GBE1: variants seen among roughly 807,000 people sequenced by gnomAD.
The protein encoded by GBE1 is 1,4-alpha-glucan branching enzyme 1, also known as 1,4-alpha-glucan-branching enzyme.
A neutral mutation model predicts 88.8 loss-of-function variants in GBE1; 70 were observed. The observed-to-expected ratio is 0.79, with a 90% CI of 0.65 to 0.96. The LOEUF (loss-of-function observed/expected upper bound fraction) is 0.96. Among genes scored for constraint, GBE1 ranks in the 40% least tolerant of loss-of-function variants. The pLI is 0.00. For missense variants in GBE1, 872 were observed against 871.0 expected, an observed-to-expected ratio of 1.00 and a Z score of -0.01; for synonymous variants, 284 against 300.1, an observed-to-expected ratio of 0.95 and a Z score of 0.56.
At chr3:81,751,754 G>C (rs1419526434) in intron 1 of GBE1, among the ~76,000 whole-genome samples, 1 of 152,202 alleles carries the variant, frequency 6.6e-6, no homozygotes, top group Non-Finnish European at 1.5e-5. Flanking sequence ...TCTGTTAATT[G>C]AAAGTGTGCT....
chr3:81,713,981 C>A (rs1427968612), intron 1 of GBE1, among the ~76,000 whole-genome samples: 1 of 152,044 alleles, frequency 6.6e-6, no homozygotes, highest in East Asian at 1.9e-4. Context: ...TGAAGATATT[C>A]TCTGTTATGT....
At chr3:81,745,223 A>C (rs1706404865) in intron 1 of GBE1, among the ~76,000 whole-genome samples, 1 of 152,186 alleles carries the variant, frequency 6.6e-6, no homozygotes, top group South Asian at 2.1e-4. Context: ...TAACAATAAA[A>C]CCCTTTTTAC....
At chr3:81,687,971 T>C (rs889685706) in intron 2 of GBE1, among the ~76,000 whole-genome samples, 3 of 152,184 alleles carry the variant, frequency 2.0e-5, no homozygotes, top group African/African-American at 7.2e-5. Flanking sequence ...TTTCCAAAAA[T>C]TCTGCTCATC....
At chr3:81,657,139 AAAAAAAAAACAAAAC>A (rs1193049140) in intron 3 of GBE1, among the ~76,000 whole-genome samples, 3 of 150,978 alleles carry the variant, frequency 2.0e-5, no homozygotes, top group African/African-American at 7.3e-5. Context: ...CGTCTCAAAA[AAAAAAAAAACAAAAC>A]AAAAAAAAAC....
intron 14 of GBE1, among the ~76,000 whole-genome samples, chr3:81,526,901 C>T (rs1356583068): frequency 1.3e-5 from 2 of 152,016 alleles, no homozygotes; most frequent in East Asian, 1.9e-4. Flanking sequence ...AAAAAGAGCC[C>T]GCATTGCCAA....
At chr3:81,650,628 A>G (rs990349009) in intron 3 of GBE1, among the ~76,000 whole-genome samples, 6 of 152,218 alleles carry the variant, frequency 3.9e-5, no homozygotes, top group Non-Finnish European at 8.8e-5. Context: ...ATCCAGCCAT[A>G]TAAATGGAAC....
chr3:81,578,326 T>A (rs1473457356), intron 11 of GBE1, among the ~76,000 whole-genome samples: 1 of 152,100 alleles, frequency 6.6e-6, no homozygotes, highest in Non-Finnish European at 1.5e-5. Context: ...GATTTTTATT[T>A]TTAAAATAGG....
intron 7 of GBE1, among the ~76,000 whole-genome samples, chr3:81,621,361 A>G (rs1021765537): frequency 7.2e-5 from 11 of 152,290 alleles, no homozygotes; most frequent in African/African-American, 2.2e-4. Context: ...ATTTTGGAAA[A>G]GTTAAGTATA....
intron 8 of GBE1, among the ~76,000 whole-genome samples, chr3:81,592,064 T>C (rs1337628613): frequency 3.3e-5 from 5 of 152,134 alleles, no homozygotes; most frequent in African/African-American, 1.2e-4. Context: ...ACTGATTTGA[T>C]ATTGGCATAC....
In GBE1 at chr3:81,597,963, GTTGA is replaced by G. The variant is rs560103908; in HGVS notation, c.993-3944_993-3941del. Among the ~76,000 whole-genome samples, 489 of 151,864 alleles carry G rather than the reference GTTGA, an allele frequency of 3.2e-3. 2 individuals carry two copies. Among genetic ancestry groups the G allele is most frequent in the Non-Finnish European group, 5.5e-3 (375 of 67,820 alleles). On this transcript the variant is annotated intron_variant, in intron 7 of 15. Coordinates refer to ENST00000429644, the MANE Select transcript of GBE1 (RefSeq NM_000158.4). ...GGAAATATCCCTAAAATCAAAAACT[GTTGA>G]TTGTCTTACATTCTGCCAATAATCT...
chr3:81,713,875 T>C (rs1316886352), intron 1 of GBE1, among the ~76,000 whole-genome samples: 7 of 152,182 alleles, frequency 4.6e-5, no homozygotes. Context: ...AATCCATCTA[T>C]TTATTATACA....
intron 7 of GBE1, among the ~76,000 whole-genome samples, chr3:81,623,793 T>C (rs1704364199): frequency 6.6e-6 from 1 of 152,066 alleles, no homozygotes; most frequent in African/African-American, 2.4e-5. Context: ...GCCTCCTGAG[T>C]AGCTGGGACT....
intron 1 of GBE1, among the ~76,000 whole-genome samples, chr3:81,717,958 TA>T (rs1705963701): frequency 4.7e-5 from 2 of 42,320 alleles, no homozygotes; most frequent in South Asian, 5.4e-4. Flanking sequence ...AATTTTATTT[TA>T]TTTATTTATT....
chr3:81,692,407 G>A (rs1362088968), intron 2 of GBE1, among the ~76,000 whole-genome samples: 2 of 152,122 alleles, frequency 1.3e-5, no homozygotes, highest in Admixed American at 6.5e-5. Flanking sequence ...GAAGAACAAT[G>A]TCCATTGGGC....
intron 7 of GBE1, among the ~76,000 whole-genome samples, chr3:81,594,402 C>A (rs1435945216): frequency 6.6e-6 from 1 of 151,960 alleles, no homozygotes; most frequent in African/African-American, 2.4e-5. Flanking sequence ...TATTACCAGT[C>A]CCTGAATTTT....
At chr3:81,671,505 A>G (rs1195654118) in intron 2 of GBE1, among the ~76,000 whole-genome samples, 2 of 152,152 alleles carry the variant, frequency 1.3e-5, no homozygotes, top group Non-Finnish European at 2.9e-5. Flanking sequence ...AACCAACAAG[A>G]GCAGACTCAC....
chr3:81,534,909 T>C (rs559400707), intron 14 of GBE1: 4 of 292,036 alleles, frequency 1.4e-5, no homozygotes, highest in Non-Finnish European at 2.5e-5. Flanking sequence ...CAGGGCTCCA[T>C]AGTGAAACCT....
chr3:81,750,616 T>TGTATATATATATAC (rs1706503514), intron 1 of GBE1, among the ~76,000 whole-genome samples: 3 of 68,818 alleles, frequency 4.4e-5, no homozygotes, highest in African/African-American at 8.9e-5. Context: ...TATATATATA[T>TGTATATATATATAC]GTATATATAT....
chr3:81,560,437 G>T (rs1210760205), intron 12 of GBE1, among the ~76,000 whole-genome samples: 6 of 151,828 alleles, frequency 4.0e-5, no homozygotes, highest in Admixed American at 1.3e-4. Context: ...CTATAAAAAT[G>T]ACTCAGTATA....
Sources: allele counts gnomAD v4.1 joint callset (sites outside exome capture counted in the v4.1 genomes callset), GRCh38; gene constraint gnomAD v4.1.1; transcripts MANE v1.5; gene names NCBI Gene and HGNC (gene_info 2026-07-23, HGNC 2026-07-21).